Variants in DAB2IP observed in about 807,000 individuals in gnomAD.
DAB2IP encodes the protein disabled homolog 2-interacting protein.
Under a neutral mutation model 107.2 loss-of-function variants are expected in DAB2IP, and 28 were observed. The observed-to-expected ratio is 0.26, with a 90% CI of 0.19 to 0.36. The LOEUF is 0.36. Ranked by LOEUF, DAB2IP falls within the 10% of genes least tolerant of loss-of-function variation. The probability of loss-of-function intolerance (pLI) is 1.00; values close to 1 mark genes in which losing one functional copy is unlikely to be tolerated. For synonymous variants in DAB2IP, 755 were observed against 706.4 expected, an observed-to-expected ratio of 1.07 and a Z score of -1.09; for missense variants, 1,400 against 1,644.7, an observed-to-expected ratio of 0.85 and a Z score of 2.57.
At chr9:121,781,197 G>A (rs897452899) in intron 14 of DAB2IP, among the ~76,000 whole-genome samples, 2 of 152,194 alleles carry the variant, frequency 1.3e-5, no homozygotes, top group East Asian at 1.9e-4. Flanking sequence ...GAAGAACATC[G>A]GGAAAGGGGC....
chr9:121,703,368 A>G (rs1399231390), intron 3 of DAB2IP, among the ~76,000 whole-genome samples: 1 of 152,162 alleles, frequency 6.6e-6, no homozygotes, highest in East Asian at 1.9e-4. Flanking sequence ...TCCCTCCCCT[A>G]CTATAGACAG....
intron 3 of DAB2IP, among the ~76,000 whole-genome samples, chr9:121,714,911 T>A (rs981029824): frequency 1.3e-5 from 2 of 152,162 alleles, no homozygotes; most frequent in Non-Finnish European, 2.9e-5. Context: ...TGTTGGGTCT[T>A]ATAGGAGGGG....
upstream of DAB2IP, among the ~76,000 whole-genome samples, chr9:121,646,825 C>T (rs1271206250): frequency 6.6e-6 from 1 of 152,164 alleles, no homozygotes; most frequent in African/African-American, 2.4e-5. Context: ...ACTGCTCAAC[C>T]TTATGATCGT....
intron 1 of DAB2IP, among the ~76,000 whole-genome samples, chr9:121,580,749 T>C (rs6478521): frequency 0.55 from 84,020 of 151,810 alleles, 23,649 homozygotes; most frequent in South Asian, 0.73. Flanking sequence ...CTCAGCCTCC[T>C]GAGTAGCTGG....
At chr9:121,652,013 C>A (rs1362872766) in intron 1 of DAB2IP, 114 bp downstream of exon 1, 3 of 955,158 alleles carry the variant, frequency 3.1e-6, no homozygotes, top group Admixed American at 4.3e-5. Context: ...CGGGGGTTTC[C>A]TCATCCGCCC....
rs1829765194 is a variant in DAB2IP at position 121,701,217 on chromosome 9, AT to A, written c.362+1760del. On this transcript the variant is annotated intron_variant, in intron 3 of 15. Coordinates refer to ENST00000408936, the Ensembl canonical transcript of DAB2IP. This position sits in a 1 kb window ranked among gnomAD's most constrained non-coding sequence, Gnocchi z 4.7. ...GTCTGCTCTCCCGGGAGCAGGCGGC[AT>A]GCATGTCATGTTTACCTCCTTACAG... Among the ~76,000 whole-genome samples, 1 of 152,198 alleles carries A rather than the reference AT, an allele frequency of 6.6e-6. No homozygotes were observed. The highest frequency in any genetic ancestry group is 6.5e-5 in the Admixed American group (1 of 15,286).
chr9:121,589,137 C>T (rs1830371905), intron 1 of DAB2IP, among the ~76,000 whole-genome samples: 1 of 152,154 alleles, frequency 6.6e-6, no homozygotes, highest in Non-Finnish European at 1.5e-5. Context: ...ATGATCGGAT[C>T]TGTGCTTTGA....
chr9:121,686,924 T>C (rs1828911303), intron 2 of DAB2IP, among the ~76,000 whole-genome samples: 1 of 152,184 alleles, frequency 6.6e-6, no homozygotes, highest in African/African-American at 2.4e-5. Flanking sequence ...CTTCTAGGGC[T>C]CAGCCCTGGC....
chr9:121,730,757 GA>G (rs1328357605), intron 3 of DAB2IP, among the ~76,000 whole-genome samples: 2 of 152,200 alleles, frequency 1.3e-5, no homozygotes, highest in African/African-American at 2.4e-5. Flanking sequence ...GTGTGACTGG[GA>G]GCAAAGAACC....
rs1828817158 is a variant in DAB2IP, at chr9:121,685,334, G to A, written c.228+6553G>A. On this transcript the variant is annotated intron_variant, in intron 2 of 15. Transcript: ENST00000408936. ...GTCCGGGGTGGCCAGGGTGGGGCAA[G>A]GATGTTCTTCGGGGCAGGAGTCTGG... Among the ~76,000 whole-genome samples, 4 of 152,276 alleles carry A rather than the reference G, an allele frequency of 2.6e-5. No individual in the cohort carries two copies. The South Asian group carries it at 6.2e-4, about 24-fold the overall frequency.
At chr9:121,774,216 C>T in intron 12 of DAB2IP, 44 bp from the exon 13 acceptor site, 1 of 1,520,196 alleles carries the variant, frequency 6.6e-7, no homozygotes, top group Non-Finnish European at 8.8e-7. Flanking sequence ...CTCCTGCTTG[C>T]CCTCCACCTC....
At chr9:121,654,310 G>A (rs1372506412) in intron 1 of DAB2IP, among the ~76,000 whole-genome samples, 1 of 152,140 alleles carries the variant, frequency 6.6e-6, no homozygotes, top group Non-Finnish European at 1.5e-5. Context: ...GGGAAGAGCA[G>A]GCAACAGTAG....
At chr9:121,745,304 C>T (rs545682096) in intron 3 of DAB2IP, among the ~76,000 whole-genome samples, 15 of 152,282 alleles carry the variant, frequency 9.9e-5, no homozygotes, top group Admixed American at 7.8e-4. Context: ...TGCATGGTCA[C>T]TGGCAGCAGG....
At position 121,699,124 on chromosome 9, in the gene DAB2IP, G is replaced by C. The variant is rs1829598687; in HGVS notation, c.229-201G>C. ...CGACGTGGCGGGCGGGGTGGGCTGG[G>C]CCGCGCTGCGCGGGCCGGGCCGTCG... On this transcript the variant is annotated intron_variant, in intron 2 of 15. Transcript: ENST00000408936. The surrounding 1 kb of genome is among the most constrained non-coding windows in gnomAD (Gnocchi z 6.2). Among the ~76,000 whole-genome samples, 1 of 145,874 alleles carries C rather than the reference G, an allele frequency of 6.9e-6. No individual in the cohort carries two copies. The highest frequency in any genetic ancestry group is 2.4e-5 in the African/African-American group (1 of 40,828).
chr9:121,585,709 G>A (rs1236814348), intron 1 of DAB2IP, among the ~76,000 whole-genome samples: 1 of 152,078 alleles, frequency 6.6e-6, no homozygotes, highest in Admixed American at 6.6e-5. Context: ...ACAAAAATTA[G>A]CCAGACATGT....
chr9:121,708,940 C>T (rs1314472564), intron 3 of DAB2IP, among the ~76,000 whole-genome samples: 2 of 152,134 alleles, frequency 1.3e-5, no homozygotes, highest in Non-Finnish European at 2.9e-5. Flanking sequence ...CAGGCACCTG[C>T]TAGGGTAGTG....
At chr9:121,779,627 T>C (rs1293297127) in intron 14 of DAB2IP, among the ~76,000 whole-genome samples, 1 of 152,274 alleles carries the variant, frequency 6.6e-6, no homozygotes, top group Non-Finnish European at 1.5e-5. Context: ...GGCCCTGCTC[T>C]GAGGGGGTTT....
rs577484157 is a variant in DAB2IP at position 121,740,490 on chromosome 9, C to T, written c.363-16523C>T. On this transcript the variant is annotated intron_variant, in intron 3 of 15. Transcript: ENST00000408936. ...TCTTTCCCAGAGCAGAGCTAGACTTCCTTTACACCAAGGGTATTTCTCTGG... is the reference window on the plus strand; with the variant it reads ...TCTTTCCCAGAGCAGAGCTAGACTTTCTTTACACCAAGGGTATTTCTCTGG... Among the ~76,000 whole-genome samples the T allele has an allele frequency of 1.1e-4, 16 of 152,324 alleles. No individual in the cohort carries two copies. The South Asian group carries it at 1.7e-3, about 16-fold the overall frequency.
intron 1 of DAB2IP, among the ~76,000 whole-genome samples, chr9:121,666,171 T>A (rs952761847): frequency 2.0e-5 from 3 of 152,160 alleles, no homozygotes; most frequent in African/African-American, 7.2e-5. Flanking sequence ...CCCATGTCAC[T>A]CCCACCTCTG....
Sources: gnomAD v4.1 joint callset for allele counts (sites outside exome capture counted in the v4.1 genomes callset) on GRCh38, gnomAD v4.1.1 for gene constraint, Gnocchi (gnomAD v3.1) non-coding constraint, MANE v1.5 for transcripts, NCBI Gene and HGNC (gene_info 2026-07-23, HGNC 2026-07-21) for gene names.